Variants in MTRF1 observed in about 807,000 individuals in gnomAD.
MTRF1 encodes mitochondrial translation release factor 1, also known as peptide chain release factor 1, mitochondrial.
Under a neutral mutation model 62.9 loss-of-function variants are expected in MTRF1, and 51 were observed. The ratio of observed to expected loss-of-function variants is 0.81; its 90% confidence interval spans 0.65 to 1.02. The LOEUF (loss-of-function observed/expected upper bound fraction) is 1.02. Ranked by LOEUF, MTRF1 falls within the 50% of genes least tolerant of loss-of-function variation. The pLI, the probability that MTRF1 is intolerant of heterozygous loss-of-function variation, is 0.00. For synonymous variants in MTRF1, 158 were observed against 181.9 expected (o/e 0.87, Z 1.06); for missense variants, 446 against 530.0 (o/e 0.84, Z 1.56).
the MTRF1 span, among the ~76,000 whole-genome samples, chr13:41,291,249 C>T: frequency 6.6e-6 from 1 of 152,134 alleles, no homozygotes; most frequent in East Asian, 1.9e-4. Context: ...ATGATTACAG[C>T]TCACTGTCAT....
At chr13:41,241,339 C>T (rs188588802) in intron 5 of MTRF1, among the ~76,000 whole-genome samples, 6 of 152,200 alleles carry the variant, frequency 3.9e-5, no homozygotes, top group Admixed American at 3.9e-4. Context: ...CCACCATGCC[C>T]GGCCACTTGT....
In MTRF1 at chr13:41,260,507, T is replaced by C. The variant is rs2040329245; in HGVS notation, c.401A>G (p.Glu134Gly). ...CTTTTACCTACTTTTACACATTGAT[T>C]CTAATTCTTCAATTGCTTGTTCAGT... ...QETEQAIEEL[E>G]SMCKSLNKQD... Residue 134 changes from glutamate (E) to glycine (G), a missense_variant, in exon 2 of 10, where the codon GAA becomes GGA. Coordinates refer to ENST00000379480, the MANE Select transcript of MTRF1 (RefSeq NM_004294.4). 6.2e-7 allele frequency: 1 copy of C among 1,612,980 alleles called. No individual in the cohort carries two copies. The highest frequency in any genetic ancestry group is 8.5e-7 in the Non-Finnish European group (1 of 1,179,304).
At chr13:41,260,358 G>GA (rs138213476) in intron 2 of MTRF1, 135 bp downstream of exon 2, 24,615 of 766,850 alleles carry the variant, frequency 0.032, 16 homozygotes, top group Non-Finnish European at 0.037. Flanking sequence ...GCTTCTGTGG[G>GA]AAAAAAAAAA....
the MTRF1 span, among the ~76,000 whole-genome samples, chr13:41,302,536 A>T: frequency 8.1e-3 from 1,188 of 146,954 alleles, 18 homozygotes; most frequent in African/African-American, 0.027. Context: ...TTTTTTTTAA[A>T]TTTTTTTTTT....
Position 41,216,874 on chromosome 13 carries a change from C to G in MTRF1, c.*241G>C. ...TGACACAATCAATTCTCAATACTTT[C>G]TCTTTTCAATGATGCATGCTTATTT... On this transcript the variant is annotated 3_prime_UTR_variant, in exon 10 of 10. Coordinates refer to ENST00000379480, the MANE Select transcript of MTRF1 (RefSeq NM_004294.4). The G allele has an allele frequency of 3.8e-6, 1 of 261,434 alleles. No homozygotes were observed. The allele number at this position is 261,434 out of a possible 1,614,324, so 16.2% of individuals were successfully genotyped here.
the MTRF1 span, among the ~76,000 whole-genome samples, chr13:41,309,729 G>A: frequency 2.0e-5 from 3 of 152,122 alleles, no homozygotes; most frequent in South Asian, 6.2e-4. Flanking sequence ...AGGCACTGTG[G>A]CTCACACCTG....
At chr13:41,301,899 C>G in the MTRF1 span, among the ~76,000 whole-genome samples, 1 of 152,064 alleles carries the variant, frequency 6.6e-6, no homozygotes, top group Non-Finnish European at 1.5e-5. Flanking sequence ...GACTCCCAGT[C>G]TCTTCTCTTC....
At chr13:41,253,108 T>C (rs916282710) in intron 3 of MTRF1, 78 bp from the exon 4 acceptor site, 6 of 1,102,122 alleles carry the variant, frequency 5.4e-6, no homozygotes, top group African/African-American at 3.2e-5. Context: ...CCGAAAAACA[T>C]TGAAAAAAAT....
intron 5 of MTRF1, among the ~76,000 whole-genome samples, chr13:41,249,018 G>C (rs1233673135): frequency 6.6e-6 from 1 of 151,978 alleles, no homozygotes; most frequent in Admixed American, 6.6e-5. Context: ...GACTTTGAAA[G>C]TCACTTAATG....
At chr13:41,305,445 AACAAACAAACAG>A in the MTRF1 span, among the ~76,000 whole-genome samples, 1 of 152,188 alleles carries the variant, frequency 6.6e-6, no homozygotes, top group African/African-American at 2.4e-5. Flanking sequence ...TTTAAGATTA[AACAAACAAACAG>A]ACAAACAAAA....
the MTRF1 span, among the ~76,000 whole-genome samples, chr13:41,310,320 A>C: frequency 6.6e-6 from 1 of 152,182 alleles, no homozygotes; most frequent in Admixed American, 6.5e-5. Flanking sequence ...GCTTTCAGGA[A>C]GGGGAACCAT....
At chr13:41,242,941 T>C (rs7319589) in intron 5 of MTRF1, among the ~76,000 whole-genome samples, 96,753 of 151,874 alleles carry the variant, frequency 0.64, 31,064 homozygotes, top group Admixed American at 0.66. Flanking sequence ...AAAATTATGG[T>C]CAGGCGCTGT....
chr13:41,241,079 C>G (rs950710780), intron 5 of MTRF1, among the ~76,000 whole-genome samples: 3 of 152,274 alleles, frequency 2.0e-5, no homozygotes, highest in African/African-American at 4.8e-5. Context: ...GAGTCTTGCA[C>G]TGTCACTGGG....
intron 9 of MTRF1, among the ~76,000 whole-genome samples, chr13:41,219,687 G>A (rs1486977070): frequency 6.6e-6 from 1 of 152,094 alleles, no homozygotes; most frequent in African/African-American, 2.4e-5. Flanking sequence ...AAATGAGCTG[G>A]GCATTTCCAT....
intron 5 of MTRF1, 50 bp downstream of exon 5, chr13:41,252,595 G>T (rs767091170): frequency 1.4e-5 from 20 of 1,404,850 alleles, no homozygotes; most frequent in African/African-American, 2.9e-5. Flanking sequence ...AAGATCAGAG[G>T]TAAAATAATT....
chr13:41,244,140 T>C (rs7990037), intron 5 of MTRF1, among the ~76,000 whole-genome samples: 108,820 of 152,060 alleles, frequency 0.72, 39,255 homozygotes, highest in African/African-American at 0.74. Context: ...AGAGTATTTC[T>C]TGAATTCTTG....
chr13:41,224,427 C>T lies in MTRF1; in HGVS notation c.1126-1073G>A, dbSNP rs576664130. Reference sequence around the variant, plus strand: ...ATTTCTATAACTTATTGTCTTAAACCCTAAGGCAAGTGATATGAAACTAAA... The same window carrying T: ...ATTTCTATAACTTATTGTCTTAAACTCTAAGGCAAGTGATATGAAACTAAA... On this transcript the variant is annotated intron_variant, in intron 8 of 9. Coordinates refer to ENST00000379480, the MANE Select transcript of MTRF1 (RefSeq NM_004294.4). Among the ~76,000 whole-genome samples, 4 of 152,278 alleles carry T rather than the reference C, an allele frequency of 2.6e-5. No individual in the cohort carries two copies. In the South Asian group the frequency reaches 8.3e-4, roughly 32 times the overall value.
chr13:41,295,230 G>C, the MTRF1 span, among the ~76,000 whole-genome samples: 1 of 152,090 alleles, frequency 6.6e-6, no homozygotes, highest in Non-Finnish European at 1.5e-5. Context: ...TTATCTTGAA[G>C]GTGTAGAAAA....
At position 41,227,412 on chromosome 13, in the gene MTRF1, A is replaced by G. The variant is rs191809930; in HGVS notation, c.989-844T>C. On this transcript the variant is annotated intron_variant, in intron 7 of 9. Coordinates refer to ENST00000379480, the MANE Select transcript of MTRF1 (RefSeq NM_004294.4). ...GAGTTTTCTGAGTTCTAAATTTCTAAGTTGTTCTGCGTAGTCTAAGTTAGC... is the reference window on the plus strand; with the variant it reads ...GAGTTTTCTGAGTTCTAAATTTCTAGGTTGTTCTGCGTAGTCTAAGTTAGC... 1.9e-3 allele frequency among the ~76,000 whole-genome samples: 292 copies of G among 152,294 alleles called. 1 individual carries two copies. The highest frequency in any genetic ancestry group is 0.014 in the South Asian group (68 of 4,824).
Sources: allele counts gnomAD v4.1 joint callset (sites outside exome capture counted in the v4.1 genomes callset), GRCh38; gene constraint gnomAD v4.1.1; transcripts MANE v1.5; gene names NCBI Gene and HGNC (gene_info 2026-07-23, HGNC 2026-07-21).